The following SPATA7 variants were observed in gnomAD, a reference collection of about 807,000 sequenced individuals.
SPATA7 encodes the protein spermatogenesis-associated protein 7.
In SPATA7, 43 loss-of-function variants were observed where a neutral mutation model predicts 51.8. The observed-to-expected ratio is 0.83, with a 90% CI of 0.65 to 1.07. The LOEUF (loss-of-function observed/expected upper bound fraction) is 1.07. Among genes scored for constraint, SPATA7 ranks in the 50% least tolerant of loss-of-function variants. SPATA7 has a pLI of 0.00. For missense variants in SPATA7, 683 were observed against 701.3 expected (o/e 0.97, Z 0.30); for synonymous variants, 230 against 252.8 (o/e 0.91, Z 0.86).
At chr14:88,446,769 T>G (rs1204306462) in intron 3 of SPATA7, among the ~76,000 whole-genome samples, 1 of 152,190 alleles carries the variant, frequency 6.6e-6, no homozygotes, top group Non-Finnish European at 1.5e-5. Context: ...AGCAGGTTGT[T>G]CAGTTTCCAT....
Position 88,469,995 on chromosome 14 carries a change from T to G in SPATA7, c.*128T>G. ...CATCTGCCAAAAATCTTGACAGGTA[T>G]TCTGTAATGGTCCCTGTGTGGCAAT... On this transcript the variant is annotated 3_prime_UTR_variant, in exon 5 of 5. Transcript: ENST00000556406. This position sits in a 1 kb window ranked among gnomAD's most constrained non-coding sequence, Gnocchi z 4.3. 1 of 1,613,316 alleles carries G rather than the reference T, an allele frequency of 6.2e-7. No individual in the cohort carries two copies. The highest frequency in any genetic ancestry group is 8.5e-7 in the Non-Finnish European group (1 of 1,179,224).
rs375283216 is a variant in SPATA7, at chr14:88,393,400, C to T, written c.102C>T (p.Cys34=). Residue 34 remains cysteine (C), a synonymous_variant, in exon 3 of 12, where the codon TGC becomes TGT. Transcript: ENST00000393545. The stretch of plus-strand genomic sequence containing the variant: ...TTATGTTTTAATTTTTAGCTTTTTG[C>T]ACTGACTCCTCTTCTCTCAGACTAA... The part of the protein sequence containing the change: ...GHLSTKSNAF[C]TDSSSLRLST... The T allele has an allele frequency of 6.3e-7, 1 of 1,590,644 alleles. No homozygotes were observed. Among genetic ancestry groups the T allele is most frequent in the Non-Finnish European group, 8.6e-7 (1 of 1,166,098 alleles).
chr14:88,455,995 G>A (rs561256238), downstream of SPATA7, among the ~76,000 whole-genome samples: 33 of 150,906 alleles, frequency 2.2e-4, no homozygotes, highest in East Asian at 5.1e-3. Flanking sequence ...TTGTCCTTGC[G>A]ATAGTTTGCT....
At chr14:88,402,814 C>T (rs1290565625) in intron 4 of SPATA7, among the ~76,000 whole-genome samples, 1 of 151,972 alleles carries the variant, frequency 6.6e-6, no homozygotes, top group African/African-American at 2.4e-5. Context: ...GTGGAATTCA[C>T]CAAACTCAAA....
chr14:88,412,934 G>C (rs2076381786), intron 4 of SPATA7, among the ~76,000 whole-genome samples: 1 of 152,058 alleles, frequency 6.6e-6, no homozygotes, highest in African/African-American at 2.4e-5. Flanking sequence ...TATAGTTTTA[G>C]GTCTTACATT....
intron 4 of SPATA7, among the ~76,000 whole-genome samples, chr14:88,403,740 C>T (rs1015758338): frequency 6.6e-6 from 1 of 151,914 alleles, no homozygotes; most frequent in Non-Finnish European, 1.5e-5. Flanking sequence ...TTGCCAGGGG[C>T]TACAGGAAGG....
intron 3 of SPATA7, among the ~76,000 whole-genome samples, chr14:88,444,805 C>T (rs2077200384): frequency 1.3e-5 from 2 of 151,724 alleles, no homozygotes; most frequent in African/African-American, 4.8e-5. Context: ...AGATATGCGG[C>T]GTTATTTCTG....
At chr14:88,470,020 T>G in exon 5 of SPATA7, 1 of 1,613,558 alleles carries the variant, frequency 6.2e-7, no homozygotes, top group Non-Finnish European at 8.5e-7. Flanking sequence ...TGTGTGGCAA[T>G]ATAATCCCAT....
In SPATA7 at chr14:88,412,419, C is replaced by T. The variant is rs761508030; in HGVS notation, c.239-4292C>T. Among the ~76,000 whole-genome samples, 17 of 152,006 alleles carry T rather than the reference C, an allele frequency of 1.1e-4. No individual in the cohort carries two copies. The East Asian group carries it at 3.1e-3, about 28-fold the overall frequency. ...TTCCACAACTGAAGAATTTGGAGTC[C>T]GATGTTTGAGGGCAGGAAGCATCCA... On this transcript the variant is annotated intron_variant, in intron 4 of 11. Coordinates refer to ENST00000393545, the MANE Select transcript of SPATA7 (RefSeq NM_018418.5).
downstream of SPATA7, among the ~76,000 whole-genome samples, chr14:88,442,760 T>C (rs2077186273): frequency 6.6e-6 from 1 of 152,056 alleles, no homozygotes; most frequent in Non-Finnish European, 1.5e-5. Context: ...GTTTTTTTGA[T>C]ATGTCCTTTC....
chr14:88,456,689 A>T (rs1052615079), downstream of SPATA7, among the ~76,000 whole-genome samples: 29 of 152,036 alleles, frequency 1.9e-4, no homozygotes, highest in Non-Finnish European at 3.8e-4. Context: ...GTTCACTCTG[A>T]TGGTAGTTTC....
intron 5 of SPATA7, among the ~76,000 whole-genome samples, chr14:88,421,651 A>G (rs1269856522): frequency 6.6e-6 from 1 of 152,156 alleles, no homozygotes; most frequent in Non-Finnish European, 1.5e-5. Flanking sequence ...TTAAGAAATA[A>G]TTAGAAAGTA....
At chr14:88,452,020 G>C (rs1461338894) in intron 3 of SPATA7, among the ~76,000 whole-genome samples, 3 of 152,154 alleles carry the variant, frequency 2.0e-5, no homozygotes, top group African/African-American at 7.2e-5. Flanking sequence ...TACCAGAATT[G>C]CTTTTCTGGT....
At chr14:88,397,582 G>A (rs537092012) in intron 4 of SPATA7, among the ~76,000 whole-genome samples, 1 of 151,284 alleles carries the variant, frequency 6.6e-6, no homozygotes, top group East Asian at 2.0e-4. Flanking sequence ...GGTCAAGGCT[G>A]CAGTAAGCCA....
At chr14:88,446,077 G>T (rs1946275691) in intron 3 of SPATA7, among the ~76,000 whole-genome samples, 1 of 152,180 alleles carries the variant, frequency 6.6e-6, no homozygotes, top group Admixed American at 6.5e-5. Flanking sequence ...GTTCCTCCTT[G>T]TACCTCTGGT....
chr14:88,430,953 A>G (rs2076922263), intron 8 of SPATA7, among the ~76,000 whole-genome samples: 1 of 152,182 alleles, frequency 6.6e-6, no homozygotes, highest in South Asian at 2.1e-4. Context: ...GCCCAAAGGA[A>G]ATGCTCATTG....
At chr14:88,455,621 T>G (rs898698947), downstream of SPATA7, among the ~76,000 whole-genome samples, 1 of 152,232 alleles carries the variant, frequency 6.6e-6, no homozygotes, top group Admixed American at 6.5e-5. Context: ...TAAGCTCTTC[T>G]GATTATAAAC....
At chr14:88,453,037 A>G (rs2077262695) in intron 3 of SPATA7, among the ~76,000 whole-genome samples, 1 of 152,176 alleles carries the variant, frequency 6.6e-6, no homozygotes, top group Admixed American at 6.5e-5. Flanking sequence ...GGATTGCCCT[A>G]ACATTTGTCC....
At chr14:88,430,422 TTA>T (rs1352657150) in intron 8 of SPATA7, among the ~76,000 whole-genome samples, 1 of 152,188 alleles carries the variant, frequency 6.6e-6, no homozygotes, top group Non-Finnish European at 1.5e-5. Flanking sequence ...AAAGGAATAT[TTA>T]TCTTTTCTAA....
Sources: allele counts gnomAD v4.1 joint callset (sites outside exome capture counted in the v4.1 genomes callset), GRCh38; gene constraint gnomAD v4.1.1; non-coding constraint Gnocchi (gnomAD v3.1); transcripts MANE v1.5; gene names NCBI Gene and HGNC (gene_info 2026-07-23, HGNC 2026-07-21).